NRXN2: variants seen among roughly 807,000 people sequenced by gnomAD.
The protein encoded by NRXN2 is neurexin 2.
In NRXN2, 29 loss-of-function variants were observed where a neutral mutation model predicts 128.8. The ratio of observed to expected loss-of-function variants is 0.23; its 90% CI spans 0.17 to 0.31. The LOEUF is 0.31. Among genes scored for constraint, NRXN2 ranks in the 10% least tolerant of loss-of-function variants. The probability of loss-of-function intolerance (pLI) is 1.00; values close to 1 mark genes in which losing one functional copy is unlikely to be tolerated. For synonymous variants in NRXN2, 1,098 were observed against 1,075.2 expected (o/e 1.02, Z -0.41); for missense variants, 1,881 against 2,452.6 (o/e 0.77, Z 4.92).
chr11:64,654,518 G>T lies in NRXN2; in HGVS notation c.2390-796C>A, dbSNP rs182612121. 1.4e-3 allele frequency among the ~76,000 whole-genome samples: 210 copies of T among 152,288 alleles called. 2 individuals are homozygous for T. The highest frequency in any genetic ancestry group is 4.7e-3 in the African/African-American group (196 of 41,552). On this transcript the variant is annotated intron_variant, in intron 11 of 22. Coordinates refer to ENST00000265459, the MANE Select transcript of NRXN2 (RefSeq NM_015080.4). Reference sequence around the variant, plus strand: ...GCAGCCACCATAAGCAAAGTTTCCTGCCCCTGCCCCAGTCCGGTCCTGGCA... The same window carrying T: ...GCAGCCACCATAAGCAAAGTTTCCTTCCCCTGCCCCAGTCCGGTCCTGGCA...
At chr11:64,677,596 G>T (rs2051529481) in intron 6 of NRXN2, among the ~76,000 whole-genome samples, 3 of 152,196 alleles carry the variant, frequency 2.0e-5, no homozygotes, top group Admixed American at 2.0e-4. Flanking sequence ...GTCGGCAACG[G>T]GGTTTTCCAA....
At chr11:64,626,631 C>T in intron 19 of NRXN2, 79 bp from the exon 20 acceptor site, 1 of 1,003,270 alleles carries the variant, frequency 1.0e-6, no homozygotes, top group Non-Finnish European at 1.6e-6. Flanking sequence ...ATGCAATCCT[C>T]AGGAGACTCA....
intron 17 of NRXN2, chr11:64,646,667 C>G (rs974137522): frequency 6.6e-6 from 1 of 152,236 alleles, no homozygotes; most frequent in Non-Finnish European, 1.5e-5. Flanking sequence ...ATTAAAAGGG[C>G]CTTGTAGCAG....
chr11:64,685,926 G>T lies in NRXN2; in HGVS notation c.872C>A (p.Thr291Asn), dbSNP rs746242628. The T allele has an allele frequency of 1.5e-5, 25 of 1,614,034 alleles. No homozygotes were observed. The highest frequency in any genetic ancestry group is 2.1e-5 in the Non-Finnish European group (25 of 1,180,024). The stretch of plus-strand genomic sequence containing the variant: ...GCAGAAGAACTCATTGCCTTTGAAG[G>T]TCGCCACAAACTCCTCCTTGCCTGG... ...PTKGKEEFVA[T>N]FKGNEFFCYD... is the part of the protein sequence containing the mutation. Residue 291 changes from threonine to asparagine, a missense_variant, in exon 6 of 23, where the codon ACC becomes AAC. Coordinates refer to ENST00000265459, the MANE Select transcript of NRXN2 (RefSeq NM_015080.4).
intron 18 of NRXN2, among the ~76,000 whole-genome samples, chr11:64,633,426 C>T (rs559921776): frequency 1.3e-5 from 2 of 152,296 alleles, no homozygotes; most frequent in East Asian, 3.9e-4. Flanking sequence ...CATAGATGGG[C>T]TAACTGAGGC....
intron 7 of NRXN2, chr11:64,676,544 T>C (rs962571528): frequency 1.0e-5 from 2 of 196,498 alleles, no homozygotes; most frequent in African/African-American, 2.4e-5. Flanking sequence ...TGTCATGGGA[T>C]GGTGTTTTCC....
At chr11:64,684,300 CAT>C (rs929833505) in intron 6 of NRXN2, among the ~76,000 whole-genome samples, 18 of 152,144 alleles carry the variant, frequency 1.2e-4, no homozygotes, top group African/African-American at 4.1e-4. Context: ...CACAAATGCA[CAT>C]GACACACTCA....
At chr11:64,692,282 G>A (rs1461967557) in intron 4 of NRXN2, among the ~76,000 whole-genome samples, 6 of 152,114 alleles carry the variant, frequency 3.9e-5, no homozygotes, top group East Asian at 3.9e-4. Context: ...GGTTGGGAGC[G>A]CACACTGTGG....
intron 2 of NRXN2, among the ~76,000 whole-genome samples, chr11:64,706,935 T>G (rs902234929): frequency 8.7e-5 from 13 of 148,960 alleles, no homozygotes; most frequent in Non-Finnish European, 1.8e-4. Context: ...ACCTATGAGA[T>G]AAGCATGTGT....
At chr11:64,675,810 A>C (rs565934485) in intron 7 of NRXN2, 1 of 154,010 alleles carries the variant, frequency 6.5e-6, no homozygotes, top group East Asian at 1.9e-4. Flanking sequence ...ATAGTCACGC[A>C]GCCCCCAGCT....
At chr11:64,650,241 T>C (rs972111903) in intron 15 of NRXN2, among the ~76,000 whole-genome samples, 4 of 152,014 alleles carry the variant, frequency 2.6e-5, no homozygotes, top group Non-Finnish European at 4.4e-5. Context: ...GCAACCAGGC[T>C]TTCAGTGGTG....
chr11:64,655,223 C>T (rs1330210966), intron 11 of NRXN2, among the ~76,000 whole-genome samples: 1 of 152,222 alleles, frequency 6.6e-6, no homozygotes, highest in Non-Finnish European at 1.5e-5. Context: ...TTGTCAACCG[C>T]AGCAGAAGAG....
chr11:64,629,767 C>A (rs1212851), intron 19 of NRXN2, among the ~76,000 whole-genome samples: 9,431 of 152,152 alleles, frequency 0.062, 989 homozygotes, highest in African/African-American at 0.21. Context: ...ACGCACATGA[C>A]CCTGTGTTTC....
In NRXN2 at chr11:64,635,404, G is replaced by A. The variant is rs963918721; in HGVS notation, c.3452C>T (p.Thr1151Met). ...FGKGGALITY[T>M]WPPNDRPSTR... is the part of the protein sequence containing the mutation. ...GCTGGGCCTGTCATTGGGGGGCCAC[G>A]TGTAGGTGATGAGCGCTCCCCCCTT... The change falls in exon 18 of 23, where the codon ACG becomes ATG. Residue 1151 changes from threonine to methionine, a missense_variant. Thr to Met is a moderately conservative substitution (Grantham distance 81). Coordinates refer to ENST00000265459, the MANE Select transcript of NRXN2 (RefSeq NM_015080.4). The surrounding 1 kb of genome is among the most constrained non-coding windows in gnomAD (Gnocchi z 4.8). 78 of 1,613,764 alleles carry A rather than the reference G, an allele frequency of 4.8e-5. No individual in the cohort carries two copies. Among genetic ancestry groups the A allele is most frequent in the Non-Finnish European group, 6.3e-5 (74 of 1,180,024 alleles).
chr11:64,717,823 C>A (rs747389877), intron 1 of NRXN2, among the ~76,000 whole-genome samples: 5 of 152,200 alleles, frequency 3.3e-5, no homozygotes, highest in Non-Finnish European at 7.3e-5. Context: ...TGCCCAAGGC[C>A]ACAGTCCAGG....
chr11:64,702,197 C>A (rs1407705880), intron 2 of NRXN2, among the ~76,000 whole-genome samples: 1 of 151,096 alleles, frequency 6.6e-6, no homozygotes, highest in Admixed American at 6.6e-5. Context: ...AGCCCCCCGC[C>A]GGGCCAGCCG....
At chr11:64,664,200 G>C (rs547239959) in intron 9 of NRXN2, among the ~76,000 whole-genome samples, 85 of 152,318 alleles carry the variant, frequency 5.6e-4, no homozygotes, top group African/African-American at 2.0e-3. Flanking sequence ...TGATGGGCTG[G>C]GCATGGTGGC....
rs1186006474 is a variant in NRXN2, at chr11:64,607,044, T to C, written c.*152A>G. On this transcript the variant is annotated 3_prime_UTR_variant, in exon 23 of 23. Transcript: ENST00000265459. Reference sequence around the variant, plus strand: ...AGGAGGAAGGGGGCGAGCACGGGGTTTTTCCTTTTCTTTTTTTGCGTTTCC... The same window carrying C: ...AGGAGGAAGGGGGCGAGCACGGGGTCTTTCCTTTTCTTTTTTTGCGTTTCC... 2.5e-6 allele frequency: 2 copies of C among 810,440 alleles called. No homozygotes were observed. Among genetic ancestry groups the C allele is most frequent in the African/African-American group, 1.7e-5 (1 of 57,724 alleles). The allele number at this position is 810,440 out of a possible 1,614,324, so 50.2% of individuals were successfully genotyped here. A position where few individuals can be genotyped will look rare whatever the true frequency, so the allele number is the denominator to read the frequency against.
Position 64,653,699 on chromosome 11 carries a change from G to A in NRXN2, c.2413C>T (p.Pro805Ser), listed in dbSNP as rs1350516016. ...NLDCLRVGCA[P>S]SKGPETLFAG... ...GAAGAAGAGGGAAGCCACTTACTGG[G>A]TGCGCAGCCGACGCGCAGGCAGTCT... Residue 805 changes from proline (P) to serine (S), a missense_variant, in exon 12 of 23, where the codon CCC (proline) becomes TCC (serine). This residue lies in a region of NRXN2 where 997 missense variants were observed against 1,240.8 expected (regional missense o/e 0.80). Transcript: ENST00000265459. 9 of 1,596,666 alleles carry A rather than the reference G, an allele frequency of 5.6e-6. No individual in the cohort carries two copies. The highest frequency in any genetic ancestry group is 4.5e-5 in the East Asian group (2 of 44,318).
Sources: gnomAD v4.1 joint callset for allele counts (sites outside exome capture counted in the v4.1 genomes callset) on GRCh38, gnomAD v4.1.1 for gene constraint, gnomAD v4.1.1 regional missense constraint, Gnocchi (gnomAD v3.1) non-coding constraint, MANE v1.5 for transcripts, NCBI Gene and HGNC (gene_info 2026-07-23, HGNC 2026-07-21) for gene names.